LRRFIP1: variants seen among roughly 807,000 people sequenced by gnomAD.
LRRFIP1 encodes the protein LRR binding FLII interacting protein 1.
Under a neutral mutation model 104.4 loss-of-function variants are expected in LRRFIP1, and 62 were observed. The ratio of observed to expected loss-of-function variants is 0.59; its 90% CI spans 0.48 to 0.73. The LOEUF is 0.73. Ranked by LOEUF, LRRFIP1 falls within the 30% of genes least tolerant of loss-of-function variation. LRRFIP1 has a pLI of 0.00. For synonymous variants in LRRFIP1, 300 were observed against 299.0 expected, an observed-to-expected ratio of 1.00 and a Z score of -0.03; for missense variants, 796 against 824.5, an observed-to-expected ratio of 0.97 and a Z score of 0.42.
At chr2:237,731,267 T>C (rs1318158475) in intron 8 of LRRFIP1, among the ~76,000 whole-genome samples, 1 of 152,178 alleles carries the variant, frequency 6.6e-6, no homozygotes, top group Non-Finnish European at 1.5e-5. Context: ...TGTCCCCAAT[T>C]TCCAGCCCCT....
In LRRFIP1 at chr2:237,735,859, G is replaced by A. The variant is rs1044209850; in HGVS notation, c.555+526G>A. Reference sequence around the variant, plus strand: ...ATTTGTGAATGAATGCGTGAGAAAAGCAACAAGGTAGAAAAATGAGATGGA... The same window carrying A: ...ATTTGTGAATGAATGCGTGAGAAAAACAACAAGGTAGAAAAATGAGATGGA... On this transcript the variant is annotated intron_variant, in intron 10 of 23. Coordinates refer to ENST00000308482, the MANE Select transcript of LRRFIP1 (RefSeq NM_001137550.2). This position sits in a 1 kb window ranked among gnomAD's most constrained non-coding sequence, Gnocchi z 4.6. 2.6e-5 allele frequency among the ~76,000 whole-genome samples: 4 copies of A among 152,200 alleles called. No individual in the cohort carries two copies. Among genetic ancestry groups the A allele is most frequent in the Non-Finnish European group, 5.9e-5 (4 of 68,038 alleles).
chr2:237,711,249 C>T lies in LRRFIP1; in HGVS notation c.183+2619C>T, dbSNP rs1464972595. Among the ~76,000 whole-genome samples, 3 of 152,198 alleles carry T rather than the reference C, an allele frequency of 2.0e-5. No homozygotes were observed. Reference sequence around the variant, plus strand: ...AATCGGGAAGTCTCACGTAAAACGCCATGGTTTGCCTTCTTCAGCATGAGT... The same window carrying T: ...AATCGGGAAGTCTCACGTAAAACGCTATGGTTTGCCTTCTTCAGCATGAGT... On this transcript the variant is annotated intron_variant, in intron 2 of 23. Transcript: ENST00000308482. The surrounding 1 kb of genome is among the most constrained non-coding windows in gnomAD (Gnocchi z 4.4).
Position 237,781,195 on chromosome 2 carries a change from A to G in LRRFIP1, c.*1663A>G, listed in dbSNP as rs1297753293. On this transcript the variant is annotated 3_prime_UTR_variant, in exon 24 of 24. Coordinates refer to ENST00000308482, the MANE Select transcript of LRRFIP1 (RefSeq NM_001137550.2). ...AGCATGTTTAACTGGGAAAATGTCT[A>G]TGTCATGCGTGAATAACACCAGCAG... Among the ~76,000 whole-genome samples the G allele has an allele frequency of 2.0e-5, 3 of 152,256 alleles. No individual in the cohort carries two copies. Among genetic ancestry groups the G allele is most frequent in the Non-Finnish European group, 2.9e-5 (2 of 68,044 alleles).
At chr2:237,722,870 C>G (rs1306412062) in intron 6 of LRRFIP1, among the ~76,000 whole-genome samples, 1 of 152,200 alleles carries the variant, frequency 6.6e-6, no homozygotes, top group Admixed American at 6.5e-5. Context: ...GGGCTCTATG[C>G]TTGCCCCTTT....
intron 14 of LRRFIP1, among the ~76,000 whole-genome samples, chr2:237,752,921 C>T (rs1254273622): frequency 6.6e-6 from 1 of 152,298 alleles, no homozygotes; most frequent in East Asian, 1.9e-4. Context: ...GCTGGTCACA[C>T]GCCTCGAGTG....
chr2:237,638,837 A>G (rs13014795), intron 1 of LRRFIP1, among the ~76,000 whole-genome samples: 18,731 of 152,272 alleles, frequency 0.12, 1,599 homozygotes, highest in Non-Finnish European at 0.2. Context: ...TTGACTGCTT[A>G]CACATGGGGC....
intron 6 of LRRFIP1, 122 bp from the exon 7 acceptor site, chr2:237,723,426 A>C: frequency 1.0e-6 from 1 of 954,258 alleles, no homozygotes; most frequent in Non-Finnish European, 1.6e-6. Flanking sequence ...AAATTATGGA[A>C]AAATGCATTT....
intron 1 of LRRFIP1, among the ~76,000 whole-genome samples, chr2:237,699,080 C>A (rs2149856662): frequency 6.6e-6 from 1 of 152,294 alleles, no homozygotes; most frequent in African/African-American, 2.4e-5. Context: ...CCTGGCGTCA[C>A]AGGGAGGCTG....
chr2:237,774,487 G>T, intron 23 of LRRFIP1, 25 bp downstream of exon 23: 1 of 1,449,588 alleles, frequency 6.9e-7, no homozygotes, highest in Non-Finnish European at 9.7e-7. Flanking sequence ...CAATTTCTAG[G>T]AAGAGAATGG....
intron 10 of LRRFIP1, 70 bp from the exon 11 acceptor site, chr2:237,739,162 C>G (rs3820808): frequency 0.049 from 67,809 of 1,383,438 alleles, 1,809 homozygotes; most frequent in Middle Eastern, 0.067. Flanking sequence ...GGCCTCTATT[C>G]TCCTTGCTCC....
chr2:237,773,932 G>A (rs1054484228), intron 22 of LRRFIP1: 30 of 161,032 alleles, frequency 1.9e-4, no homozygotes, highest in South Asian at 1.7e-4. Context: ...TGCCGAAGCC[G>A]CCTCCTTTCA....
At chr2:237,775,455 G>C (rs1419126236) in intron 23 of LRRFIP1, among the ~76,000 whole-genome samples, 1 of 152,350 alleles carries the variant, frequency 6.6e-6, no homozygotes, top group East Asian at 1.9e-4. Context: ...CCATGGACAG[G>C]ACTTGGGATC....
intron 1 of LRRFIP1, among the ~76,000 whole-genome samples, chr2:237,656,719 T>C (rs911656856): frequency 2.6e-5 from 4 of 152,192 alleles, no homozygotes; most frequent in Non-Finnish European, 5.9e-5. Context: ...AAAAGTAAAT[T>C]TAAAGAGGCA....
chr2:237,744,546 A>G (rs74542636), intron 11 of LRRFIP1, among the ~76,000 whole-genome samples: 9,816 of 152,292 alleles, frequency 0.064, 424 homozygotes, highest in Middle Eastern at 0.13. Context: ...AGTGTTAGAA[A>G]GTTGGAATTA....
chr2:237,771,200 C>T (rs2060587901), intron 20 of LRRFIP1, among the ~76,000 whole-genome samples: 1 of 151,380 alleles, frequency 6.6e-6, no homozygotes, highest in African/African-American at 2.4e-5. Context: ...CCAGAAAGTT[C>T]TGCAGTCATT....
intron 1 of LRRFIP1, among the ~76,000 whole-genome samples, chr2:237,688,512 G>C (rs2092551852): frequency 7.6e-6 from 1 of 131,978 alleles, no homozygotes; most frequent in African/African-American, 2.8e-5. Flanking sequence ...CTAGTAGAAT[G>C]CAGTGGCATG....
At position 237,774,328 on chromosome 2, in the gene LRRFIP1, T is replaced by G. The variant is rs539277301; in HGVS notation, c.1708-30T>G. The G allele has an allele frequency of 1.2e-5, 16 of 1,347,426 alleles. No homozygotes were observed. In the South Asian group the frequency reaches 1.5e-4, roughly 12 times the overall value. The allele number at this position is 1,347,426 out of a possible 1,614,324, so 83.5% of individuals were successfully genotyped here. A position where few individuals can be genotyped will look rare whatever the true frequency, so the allele number is the denominator to read the frequency against. On this transcript the variant is annotated intron_variant, in intron 22 of 23. Transcript: ENST00000308482. ...AAGAAAGAAAACAGGCTTATCAATT[T>G]ATACATATGGTTTTTTTTCTACCTT... is the stretch of plus-strand genomic sequence containing the variant.
At position 237,753,472 on chromosome 2, in the gene LRRFIP1, AAAAC is replaced by A; in HGVS notation, c.1035_1038del (p.Asn345LysfsTer24). The A allele has an allele frequency of 6.3e-7, 1 of 1,586,536 alleles. No homozygotes were observed. Among genetic ancestry groups the A allele is most frequent in the Non-Finnish European group, 8.5e-7 (1 of 1,173,210 alleles). On this transcript the variant is annotated frameshift_variant, in exon 15 of 24. Transcript: ENST00000308482. LOFTEE classifies it high-confidence loss of function. ...GAATCTAGGCGGCAGTACGAAGAGA[AAAAC>A]AAAGTAAGCATTAGTATGATACAGA...
At chr2:237,639,033 G>C (rs755109623) in intron 1 of LRRFIP1, among the ~76,000 whole-genome samples, 1 of 152,218 alleles carries the variant, frequency 6.6e-6, no homozygotes. Flanking sequence ...GAATGCTATC[G>C]TGTGGGGCAG....
Sources: allele counts gnomAD v4.1 joint callset (sites outside exome capture counted in the v4.1 genomes callset), GRCh38; gene constraint gnomAD v4.1.1; non-coding constraint Gnocchi (gnomAD v3.1); transcripts MANE v1.5; gene names NCBI Gene and HGNC (gene_info 2026-07-23, HGNC 2026-07-21).